TTC7B: variants seen among roughly 807,000 people sequenced by gnomAD.
TTC7B encodes the protein tetratricopeptide repeat domain 7B, also known as tetratricopeptide repeat protein 7B.
TTC7B carries 28 observed loss-of-function variants against 106.8 expected under a neutral mutation model. The observed-to-expected ratio is 0.26, with a 90% CI of 0.19 to 0.36. The LOEUF is 0.36. Among genes scored for constraint, TTC7B ranks in the 10% least tolerant of loss-of-function variants. The pLI is 1.00. For missense variants in TTC7B, 862 were observed against 1,076.4 expected (o/e 0.80, Z 2.79); for synonymous variants, 405 against 430.6 (o/e 0.94, Z 0.74).
chr14:90,601,627 A>C (rs144035133), intron 17 of TTC7B, among the ~76,000 whole-genome samples: 1 of 152,272 alleles, frequency 6.6e-6, no homozygotes, highest in Admixed American at 6.5e-5. Flanking sequence ...TTTTCTCCAA[A>C]AAAACAACTG....
At chr14:90,692,541 G>T (rs905687712) in intron 6 of TTC7B, among the ~76,000 whole-genome samples, 3 of 152,210 alleles carry the variant, frequency 2.0e-5, no homozygotes, top group Non-Finnish European at 4.4e-5. Flanking sequence ...TGTAAATCAA[G>T]ATACCAGTGA....
At chr14:90,736,150 CTATA>C (rs36062485) in intron 4 of TTC7B, among the ~76,000 whole-genome samples, 2 of 146,550 alleles carry the variant, frequency 1.4e-5, no homozygotes, top group African/African-American at 2.5e-5. Context: ...TAATTTAGAG[CTATA>C]TATATATATA....
chr14:90,625,034 G>GGGAGCT (rs1316725979), intron 15 of TTC7B, among the ~76,000 whole-genome samples: 1 of 152,198 alleles, frequency 6.6e-6, no homozygotes, highest in Non-Finnish European at 1.5e-5. Flanking sequence ...TCCAGATCGG[G>GGGAGCT]GGAGCTGGAG....
intron 6 of TTC7B, 105 bp downstream of exon 6, chr14:90,695,395 A>G (rs1194322924): frequency 4.1e-6 from 2 of 485,708 alleles, no homozygotes; most frequent in Non-Finnish European, 7.1e-6. Context: ...TATAACACAT[A>G]TATGTCACAT....
At chr14:90,695,808 T>C (rs893627039) in intron 5 of TTC7B, among the ~76,000 whole-genome samples, 1 of 151,120 alleles carries the variant, frequency 6.6e-6, no homozygotes, top group African/African-American at 2.5e-5. Context: ...AAATAAAAAT[T>C]TGAAAATCAG....
intron 19 of TTC7B, among the ~76,000 whole-genome samples, chr14:90,561,739 C>T (rs1890593219): frequency 6.6e-6 from 1 of 152,182 alleles, no homozygotes; most frequent in Non-Finnish European, 1.5e-5. Context: ...TGAGACCCTT[C>T]CTGTGCACGG....
chr14:90,541,604 G>C lies in TTC7B; in HGVS notation c.2311-15C>G, dbSNP rs777269298. The C allele has an allele frequency of 3.9e-6, 6 of 1,519,788 alleles. No homozygotes were observed. Among genetic ancestry groups the C allele is most frequent in the Non-Finnish European group, 5.4e-6 (6 of 1,121,298 alleles). 94.1% of individuals were successfully genotyped at this position (1,519,788 alleles called of 1,614,324 possible). Reference sequence around the variant, plus strand: ...AGGATCAGGGCCTGGAGAGGTCAGAGAGAGAGAGAGACAGTCAGCCATGGA... The same window carrying C: ...AGGATCAGGGCCTGGAGAGGTCAGACAGAGAGAGAGACAGTCAGCCATGGA... On this transcript the variant is annotated splice_polypyrimidine_tract_variant and intron_variant, in intron 19 of 19. Coordinates refer to ENST00000328459, the MANE Select transcript of TTC7B (RefSeq NM_001010854.2).
intron 8 of TTC7B, among the ~76,000 whole-genome samples, chr14:90,679,822 TA>T (rs1886981122): frequency 6.6e-6 from 1 of 152,202 alleles, no homozygotes; most frequent in South Asian, 2.1e-4. Flanking sequence ...AGTGGTGAAA[TA>T]GACCTAAAAT....
At chr14:90,785,624 G>T (rs10132942) in intron 2 of TTC7B, among the ~76,000 whole-genome samples, 41,285 of 151,974 alleles carry the variant, frequency 0.27, 9,267 homozygotes, top group African/African-American at 0.62. Context: ...TAATGAGACC[G>T]GAAAACAGAA....
At chr14:90,551,062 C>T (rs187066060) in intron 19 of TTC7B, among the ~76,000 whole-genome samples, 9 of 152,264 alleles carry the variant, frequency 5.9e-5, no homozygotes, top group African/African-American at 1.7e-4. Flanking sequence ...GCTATTTGCT[C>T]GTACACCACA....
Position 90,584,244 on chromosome 14 carries a change from GA to G in TTC7B, c.2108-5937del, listed in dbSNP as rs200821511. On this transcript the variant is annotated intron_variant, in intron 18 of 19. Transcript: ENST00000328459. ...TCTGTGAAGGTTTCTCTCTCAAGGTGAAGTGGTGTTCCTGGCTGGGGGACCT... is the reference window on the plus strand; with the variant it reads ...TCTGTGAAGGTTTCTCTCTCAAGGTGAGTGGTGTTCCTGGCTGGGGGACCT... Among the ~76,000 whole-genome samples the G allele has an allele frequency of 5.9e-3, 904 of 152,380 alleles. 4 individuals carry two copies. The highest frequency in any genetic ancestry group is 0.021 in the African/African-American group (865 of 41,598).
intron 5 of TTC7B, among the ~76,000 whole-genome samples, chr14:90,696,478 C>G (rs1887753325): frequency 6.6e-6 from 1 of 152,132 alleles, no homozygotes; most frequent in Non-Finnish European, 1.5e-5. Flanking sequence ...TGTGGGTCAG[C>G]CAGTGCAAAC....
rs566601160 is a variant in TTC7B at position 90,636,197 on chromosome 14, T to C, written c.1751+7851A>G. Reference sequence around the variant, plus strand: ...ATATGTGTATATGTATACATGTGTGTATACTCACACACATGCACACACATA... The same window carrying C: ...ATATGTGTATATGTATACATGTGTGCATACTCACACACATGCACACACATA... On this transcript the variant is annotated intron_variant, in intron 15 of 19. Transcript: ENST00000328459. Among the ~76,000 whole-genome samples the C allele has an allele frequency of 4.6e-5, 7 of 152,094 alleles. No individual in the cohort carries two copies. In the South Asian group the frequency reaches 1.5e-3, roughly 32 times the overall value.
At chr14:90,611,749 A>T (rs1013368085) in intron 16 of TTC7B, among the ~76,000 whole-genome samples, 2 of 152,182 alleles carry the variant, frequency 1.3e-5, no homozygotes, top group African/African-American at 2.4e-5. Context: ...CGGGCCTAAC[A>T]GGGAGAGAAA....
At chr14:90,690,631 A>G (rs1332009070) in intron 6 of TTC7B, among the ~76,000 whole-genome samples, 1 of 152,194 alleles carries the variant, frequency 6.6e-6, no homozygotes, top group African/African-American at 2.4e-5. Flanking sequence ...AAAGAGAAGC[A>G]CTGCATCCCA....
intron 19 of TTC7B, among the ~76,000 whole-genome samples, chr14:90,566,242 G>A (rs1890790867): frequency 6.6e-6 from 1 of 152,006 alleles, no homozygotes; most frequent in Non-Finnish European, 1.5e-5. Context: ...TACTTGGGAG[G>A]CTGAGGCAGG....
chr14:90,721,886 T>C (rs1423488242), intron 5 of TTC7B, among the ~76,000 whole-genome samples: 2 of 152,240 alleles, frequency 1.3e-5, no homozygotes, highest in South Asian at 2.1e-4. Context: ...TCTCCATCAA[T>C]GTTTGTTGAA....
At chr14:90,638,308 C>T (rs903356101) in intron 15 of TTC7B, among the ~76,000 whole-genome samples, 1 of 152,052 alleles carries the variant, frequency 6.6e-6, no homozygotes, top group Non-Finnish European at 1.5e-5. Context: ...ATTTTAATCA[C>T]CTCAGAAAAA....
intron 18 of TTC7B, among the ~76,000 whole-genome samples, chr14:90,587,774 G>C (rs1163979267): frequency 6.6e-6 from 1 of 152,220 alleles, no homozygotes; most frequent in Non-Finnish European, 1.5e-5. Flanking sequence ...GGACGATACT[G>C]TGTTGACAAC....
Sources: gnomAD v4.1 joint callset for allele counts (sites outside exome capture counted in the v4.1 genomes callset) on GRCh38, gnomAD v4.1.1 for gene constraint, MANE v1.5 for transcripts, NCBI Gene and HGNC (gene_info 2026-07-23, HGNC 2026-07-21) for gene names.